MAPK10: variants seen among roughly 807,000 people sequenced by gnomAD.
The protein encoded by MAPK10 is JNK3 alpha protein kinase.
In MAPK10, 25 loss-of-function variants were observed where a neutral mutation model predicts 59.3. The observed-to-expected ratio is 0.42, with a 90% CI of 0.31 to 0.59. MAPK10 has a LOEUF of 0.59. Ranked by LOEUF, MAPK10 falls within the 20% of genes least tolerant of loss-of-function variation. The pLI is 0.15. For synonymous variants in MAPK10, 190 were observed against 200.5 expected (o/e 0.95, Z 0.44); for missense variants, 351 against 568.9 (o/e 0.62, Z 3.90).
chr4:86,487,114 C>T (rs551904429), intron 1 of MAPK10, among the ~76,000 whole-genome samples: 1 of 152,230 alleles, frequency 6.6e-6, no homozygotes, highest in South Asian at 2.1e-4. Context: ...ATGCAGGATC[C>T]TATGCTGGAT....
intron 4 of MAPK10, among the ~76,000 whole-genome samples, chr4:86,137,349 G>A (rs1268927844): frequency 6.8e-6 from 1 of 147,636 alleles, no homozygotes; most frequent in Non-Finnish European, 1.5e-5. Context: ...AGACCACAGT[G>A]CAATCAAACT....
intron 1 of MAPK10, among the ~76,000 whole-genome samples, chr4:86,438,288 T>C (rs1447401053): frequency 6.6e-6 from 1 of 152,224 alleles, no homozygotes; most frequent in Admixed American, 6.5e-5. Flanking sequence ...GTAAAAGTAA[T>C]TAAAAATATG....
chr4:86,420,800 G>A (rs530426837), intron 1 of MAPK10, among the ~76,000 whole-genome samples: 1 of 151,602 alleles, frequency 6.6e-6, no homozygotes, highest in East Asian at 1.9e-4. Context: ...AAAAGTTAAG[G>A]GCTAGGTACA....
At chr4:86,372,594 A>AAAAGAAAAGAAAAGAAAAGG (rs1315879759) in intron 1 of MAPK10, among the ~76,000 whole-genome samples, 1 of 151,770 alleles carries the variant, frequency 6.6e-6, no homozygotes, top group African/African-American at 2.4e-5. Flanking sequence ...AAAAGAAAAG[A>AAAAGAAAAGAAAAGAAAAGG]AAAGGAAAGA....
chr4:86,406,027 G>T (rs928150434), intron 1 of MAPK10, among the ~76,000 whole-genome samples: 6 of 152,180 alleles, frequency 3.9e-5, no homozygotes, highest in African/African-American at 1.4e-4. Context: ...AGGTGTAAAT[G>T]ATTAATATAA....
chr4:86,203,805 A>C (rs573824429), intron 2 of MAPK10, among the ~76,000 whole-genome samples: 28 of 151,590 alleles, frequency 1.8e-4, no homozygotes, highest in African/African-American at 6.8e-4. Flanking sequence ...AAAAGACCAG[A>C]TGAAAAATAT....
intron 1 of MAPK10, among the ~76,000 whole-genome samples, chr4:86,384,677 A>T (rs1564775345): frequency 6.6e-6 from 1 of 152,226 alleles, no homozygotes; most frequent in Non-Finnish European, 1.5e-5. Flanking sequence ...AAGCGGCTGC[A>T]CTCAGAATAT....
intron 2 of MAPK10, chr4:86,335,218 T>C (rs1233809662): frequency 6.6e-6 from 1 of 152,174 alleles, no homozygotes; most frequent in Non-Finnish European, 1.5e-5. Flanking sequence ...ATGTTTTGAA[T>C]TGGTCAAGAA....
intron 4 of MAPK10, among the ~76,000 whole-genome samples, chr4:86,141,351 A>C (rs1378676508): frequency 1.3e-5 from 2 of 152,238 alleles, no homozygotes; most frequent in Admixed American, 1.3e-4. Context: ...CTAGTGACCC[A>C]AGATAACCCC....
At chr4:86,371,011 G>A (rs1190829218) in intron 1 of MAPK10, 2 of 152,154 alleles carry the variant, frequency 1.3e-5, no homozygotes, top group Non-Finnish European at 2.9e-5. Flanking sequence ...GTTAAAACAA[G>A]AAGGAAAGCA....
At chr4:86,271,200 T>C (rs2094424529) in intron 2 of MAPK10, among the ~76,000 whole-genome samples, 1 of 151,966 alleles carries the variant, frequency 6.6e-6, no homozygotes, top group Non-Finnish European at 1.5e-5. Context: ...ATTTTTTTCA[T>C]TTTAGACATT....
intron 1 of MAPK10, chr4:86,357,803 G>T (rs1735290431): frequency 6.6e-6 from 1 of 152,184 alleles, no homozygotes; most frequent in Admixed American, 6.6e-5. Context: ...ATTTCTTACT[G>T]CCTCACTATC....
intron 2 of MAPK10, among the ~76,000 whole-genome samples, chr4:86,272,759 A>T (rs1583854836): frequency 6.6e-6 from 1 of 152,166 alleles, no homozygotes; most frequent in South Asian, 2.1e-4. Flanking sequence ...CTGTAACCAA[A>T]TTTCACCTTT....
At position 86,016,580 on chromosome 4, in the gene MAPK10, T is replaced by C. The variant is rs955270638; in HGVS notation, c.*648A>G. ...ATATATTCCCCCTTTACATGTTTTC[T>C]TATAAGACATACAGTTTAATCAATT... On this transcript the variant is annotated 3_prime_UTR_variant, in exon 14 of 14. Transcript: ENST00000641462. 9 of 152,752 alleles carry C rather than the reference T, an allele frequency of 5.9e-5. No individual in the cohort carries two copies. The highest frequency in any genetic ancestry group is 2.2e-4 in the African/African-American group (9 of 41,470). 9.5% of individuals were successfully genotyped at this position (152,752 alleles called of 1,614,324 possible). A position where few individuals can be genotyped will look rare whatever the true frequency, so the allele number is the denominator to read the frequency against.
intron 9 of MAPK10, among the ~76,000 whole-genome samples, chr4:86,071,829 T>A (rs1177199666): frequency 6.7e-6 from 1 of 149,208 alleles, no homozygotes; most frequent in Non-Finnish European, 1.5e-5. Flanking sequence ...GTAGTGTGAT[T>A]CCTCCAGCTT....
At chr4:86,070,766 C>T (rs2047742988) in intron 9 of MAPK10, among the ~76,000 whole-genome samples, 1 of 150,950 alleles carries the variant, frequency 6.6e-6, no homozygotes, top group South Asian at 2.1e-4. Flanking sequence ...GTATATGTGC[C>T]ACATTTTCTT....
chr4:86,322,490 G>C (rs1398475354), intron 2 of MAPK10, among the ~76,000 whole-genome samples: 1 of 152,154 alleles, frequency 6.6e-6, no homozygotes, highest in African/African-American at 2.4e-5. Context: ...CTATAAAAAA[G>C]TCTAACATCC....
chr4:86,543,940 T>C lies in MAPK10; in HGVS notation c.-263+49970A>G, dbSNP rs1758933483. 2.0e-5 allele frequency among the ~76,000 whole-genome samples: 3 copies of C among 152,250 alleles called. 1 individual carries two copies. The South Asian group carries it at 6.2e-4, about 31-fold the overall frequency. On this transcript the variant is annotated intron_variant, in intron 1 of 4. Transcript: ENST00000502302. The stretch of plus-strand genomic sequence containing the variant: ...TGTAACTAGCAGTAAGGAAGTTTAA[T>C]GACTCTGCATACTGGGTATATTCTG...
chr4:86,359,284 CTCTCTG>C (rs1316329965), intron 1 of MAPK10, among the ~76,000 whole-genome samples: 1,845 of 132,812 alleles, frequency 0.014, 27 homozygotes, highest in African/African-American at 0.041. Flanking sequence ...CTCTCTCTCT[CTCTCTG>C]TGTGTGTGTG....
Sources: allele counts gnomAD v4.1 joint callset (sites outside exome capture counted in the v4.1 genomes callset), GRCh38; gene constraint gnomAD v4.1.1; transcripts MANE v1.5; gene names NCBI Gene and HGNC (gene_info 2026-07-23, HGNC 2026-07-21).